GPSM2: variants seen among roughly 807,000 people sequenced by gnomAD.
GPSM2 encodes G protein-signaling modulator 2.
Under a neutral mutation model 78.4 loss-of-function variants are expected in GPSM2, and 58 were observed. The observed-to-expected ratio is 0.74, with a 90% confidence interval of 0.60 to 0.92. GPSM2 has a LOEUF of 0.92. GPSM2 is among the 40% of genes least tolerant of loss of function. The pLI is 0.00. For synonymous variants in GPSM2, 224 were observed against 280.2 expected, an observed-to-expected ratio of 0.80 and a Z score of 2.00; for missense variants, 700 against 815.5, an observed-to-expected ratio of 0.86 and a Z score of 1.73.
chr1:108,923,377 A>AT (rs200432660), intron 13 of GPSM2, among the ~76,000 whole-genome samples: 4,781 of 152,258 alleles, frequency 0.031, 167 homozygotes, highest in African/African-American at 0.078. Context: ...AAAGGTCGTT[A>AT]TACATACCTT....
intron 11 of GPSM2, 93 bp downstream of exon 11, chr1:108,914,501 C>T: frequency 1.1e-6 from 1 of 927,916 alleles, no homozygotes; most frequent in East Asian, 2.7e-5. Context: ...ATAAGGCTTG[C>T]CCTATATAGG....
intron 14 of GPSM2, 79 bp from the exon 15 acceptor site, chr1:108,929,622 G>A: frequency 2.2e-6 from 3 of 1,359,984 alleles, no homozygotes; most frequent in Non-Finnish European, 3.2e-6. Flanking sequence ...GCGTTTTCTT[G>A]TTGTGACTGA....
Position 108,901,916 on chromosome 1 carries a change from C to T in GPSM2, c.924C>T (p.His308=). The change falls in exon 8 of 15, where the codon CAC becomes CAT. Residue 308 remains histidine (H), a synonymous_variant. Transcript: ENST00000264126. The part of the protein sequence containing the change: ...YEKAIDYHLK[H]LAIAQELNDR... ...AGGCCATTGATTATCATCTGAAGCACTTAGCAATTGCTCAAGAGCTGAATG... is the reference window on the plus strand; with the variant it reads ...AGGCCATTGATTATCATCTGAAGCATTTAGCAATTGCTCAAGAGCTGAATG... The T allele has an allele frequency of 6.2e-7, 1 of 1,611,540 alleles. No individual in the cohort carries two copies. Among genetic ancestry groups the T allele is most frequent in the Non-Finnish European group, 8.5e-7 (1 of 1,177,636 alleles).
chr1:108,884,889 A>G (rs1174645671), intron 1 of GPSM2, among the ~76,000 whole-genome samples: 1 of 152,216 alleles, frequency 6.6e-6, no homozygotes, highest in African/African-American at 2.4e-5. Context: ...GAAGAAATAA[A>G]TTTACTGAGT....
At chr1:108,897,414 C>G in intron 3 of GPSM2, 78 bp from the exon 4 acceptor site, 1 of 1,413,374 alleles carries the variant, frequency 7.1e-7, no homozygotes, top group Non-Finnish European at 9.7e-7. Context: ...AAACTGTACT[C>G]TGGCTACTTT....
At chr1:108,892,963 T>C (rs1410178777) in intron 2 of GPSM2, among the ~76,000 whole-genome samples, 1 of 152,210 alleles carries the variant, frequency 6.6e-6, no homozygotes, top group Non-Finnish European at 1.5e-5. Context: ...GTCTCTCCTG[T>C]AGGGCATTCT....
intron 7 of GPSM2, among the ~76,000 whole-genome samples, chr1:108,901,319 T>C (rs1648787178): frequency 6.6e-6 from 1 of 152,224 alleles, no homozygotes; most frequent in Admixed American, 6.5e-5. Context: ...TAATGCCCGA[T>C]ACATAAGAAT....
intron 1 of GPSM2, among the ~76,000 whole-genome samples, chr1:108,881,771 T>C (rs539547679): frequency 2.0e-5 from 3 of 152,216 alleles, no homozygotes; most frequent in Non-Finnish European, 2.9e-5. Context: ...TAGAAATGGT[T>C]CTTTCTACAT....
rs1650054549 is a variant in GPSM2, at chr1:108,914,818, T to C, written c.1263+410T>C. On this transcript the variant is annotated intron_variant, in intron 11 of 14. Coordinates refer to ENST00000264126, the MANE Select transcript of GPSM2 (RefSeq NM_013296.5). ...GGAAGATCAAAAGGACAAGCTTTTT[T>C]CCCCAACTACATAGCAACATTATTG... 3.9e-5 allele frequency among the ~76,000 whole-genome samples: 6 copies of C among 152,170 alleles called. No individual in the cohort carries two copies. The South Asian group carries it at 1.2e-3, about 32-fold the overall frequency.
chr1:108,908,988 A>T (rs72699219), intron 10 of GPSM2, among the ~76,000 whole-genome samples: 1 of 151,962 alleles, frequency 6.6e-6, no homozygotes, highest in Non-Finnish European at 1.5e-5. Context: ...AAATTTTTTT[A>T]ATTAGCCATG....
intron 7 of GPSM2, among the ~76,000 whole-genome samples, chr1:108,901,434 G>A (rs1430532837): frequency 6.6e-6 from 1 of 151,960 alleles, no homozygotes; most frequent in Non-Finnish European, 1.5e-5. Context: ...GATGTCATGT[G>A]GAAAAAAGCC....
Position 108,909,827 on chromosome 1 carries a change from CAGGAGGCGG to C in GPSM2, c.1193-4507_1193-4499del, listed in dbSNP as rs1338262695. ...CTGACACGGGAGAATTGCTTAAACC[CAGGAGGCGG>C]AGGCTGCAGTGAGCCGAGATCACAC... On this transcript the variant is annotated intron_variant, in intron 10 of 14. Transcript: ENST00000264126. The C allele has an allele frequency of 8.3e-5, 12 of 144,156 alleles. No homozygotes were observed. The East Asian group carries it at 2.5e-3, about 30-fold the overall frequency. 8.9% of individuals were successfully genotyped at this position (144,156 alleles called of 1,614,324 possible). A position where few individuals can be genotyped will look rare whatever the true frequency, so the allele number is the denominator to read the frequency against.
intron 12 of GPSM2, among the ~76,000 whole-genome samples, chr1:108,920,848 T>G (rs764277432): frequency 2.0e-5 from 3 of 152,206 alleles, no homozygotes; most frequent in South Asian, 2.1e-4. Context: ...GCCCATACTT[T>G]AGGAGCCATA....
intron 10 of GPSM2, 53 bp from the exon 11 acceptor site, chr1:108,914,285 T>G: frequency 8.5e-7 from 1 of 1,181,404 alleles, no homozygotes; most frequent in Non-Finnish European, 1.3e-6. Flanking sequence ...GATGCTGAAC[T>G]TGTACTCTTA....
chr1:108,904,282 T>A (rs925261535), intron 10 of GPSM2, 28 bp downstream of exon 10: 6 of 1,380,002 alleles, frequency 4.3e-6, no homozygotes, highest in Non-Finnish European at 6.2e-6. Flanking sequence ...TAAAACCCAA[T>A]TTTTTTATCC....
intron 10 of GPSM2, among the ~76,000 whole-genome samples, chr1:108,907,798 A>T (rs1649364424): frequency 6.6e-6 from 1 of 152,156 alleles, no homozygotes; most frequent in Admixed American, 6.5e-5. Flanking sequence ...AGGTTAGGTA[A>T]ATTTCCCAGG....
At chr1:108,912,885 A>T (rs1240794595) in intron 10 of GPSM2, among the ~76,000 whole-genome samples, 4 of 123,554 alleles carry the variant, frequency 3.2e-5, no homozygotes, top group South Asian at 5.3e-4. Flanking sequence ...TCTCTACTTT[A>T]AAAAAAAAAA....
chr1:108,905,417 C>G (rs1367063052), intron 10 of GPSM2, among the ~76,000 whole-genome samples: 1 of 152,180 alleles, frequency 6.6e-6, no homozygotes, highest in African/African-American at 2.4e-5. Context: ...CTCACCATGT[C>G]TCTGAGACCT....
At chr1:108,915,299 A>T (rs1463159088) in intron 11 of GPSM2, among the ~76,000 whole-genome samples, 2 of 137,152 alleles carry the variant, frequency 1.5e-5, no homozygotes, top group African/African-American at 5.5e-5. Context: ...TGAACCTGGG[A>T]GGCGGAGGTT....
Sources: allele counts gnomAD v4.1 joint callset (sites outside exome capture counted in the v4.1 genomes callset), GRCh38; gene constraint gnomAD v4.1.1; transcripts MANE v1.5; gene names NCBI Gene and HGNC (gene_info 2026-07-23, HGNC 2026-07-21).